Variants in SH3BP4 observed in about 807,000 individuals in gnomAD.
SH3BP4 encodes SH3 domain-binding protein 4.
Under a neutral mutation model 65.5 loss-of-function variants are expected in SH3BP4, and 33 were observed. That is an observed-to-expected ratio of 0.50 (90% CI 0.38 to 0.67). The LOEUF is 0.67. SH3BP4 is among the 30% of genes least tolerant of loss of function. The pLI, the probability that SH3BP4 is intolerant of heterozygous loss-of-function variation, is 0.00. For missense variants in SH3BP4, 1,134 were observed against 1,261.4 expected, an observed-to-expected ratio of 0.90 and a Z score of 1.53; for synonymous variants, 552 against 545.5, an observed-to-expected ratio of 1.01 and a Z score of -0.17.
intron 1 of SH3BP4, among the ~76,000 whole-genome samples, chr2:234,970,085 ACACACT>A (rs1692951850): frequency 6.6e-6 from 1 of 151,742 alleles, no homozygotes; most frequent in African/African-American, 2.4e-5. Flanking sequence ...TGTCACTCAC[ACACACT>A]CACAAATACA....
chr2:235,010,350 C>T lies in SH3BP4; in HGVS notation c.-133+14974C>T, dbSNP rs533225767. 5.3e-4 allele frequency among the ~76,000 whole-genome samples: 81 copies of T among 152,286 alleles called. 1 individual carries two copies. The highest frequency in any genetic ancestry group is 1.5e-3 in the African/African-American group (61 of 41,560). On this transcript the variant is annotated intron_variant, in intron 2 of 5. Transcript: ENST00000392011. The stretch of plus-strand genomic sequence containing the variant: ...GCCCAGCCTGCTTCATGGGGAGGCC[C>T]GCAGGGCAAGATGCACACAGTAGGC...
rs1458619671 is a variant in SH3BP4 at position 235,041,176 on chromosome 2, C to T, written c.407C>T (p.Ala136Val). ...CTTCCAGACAGCCCAGACGAGGTAG[C>T]CAAGGAGCTGGAGCTGCTCGGGGGA... is the stretch of plus-strand genomic sequence containing the variant. Reference protein sequence around the residue: ...DNLPDSPDEVAKELELLGGWT... With the variant: ...DNLPDSPDEVVKELELLGGWT... The change falls in exon 4 of 6, where the codon GCC becomes GTC. Residue 136 changes from alanine (A) to valine (V), a missense_variant. By Grantham distance (64) the Ala-to-Val change is moderately conservative. Coordinates refer to ENST00000392011, the MANE Select transcript of SH3BP4 (RefSeq NM_014521.3). This position sits in a 1 kb window ranked among gnomAD's most constrained non-coding sequence, Gnocchi z 6.0. 6.2e-7 allele frequency: 1 copy of T among 1,614,126 alleles called. No individual in the cohort carries two copies. Among genetic ancestry groups the T allele is most frequent in the African/African-American group, 1.3e-5 (1 of 75,018 alleles).
At chr2:235,016,643 G>A (rs1296165217) in intron 2 of SH3BP4, among the ~76,000 whole-genome samples, 3 of 152,200 alleles carry the variant, frequency 2.0e-5, no homozygotes, top group African/African-American at 4.8e-5. Flanking sequence ...CAAGTAGCTG[G>A]GACTACAGGC....
chr2:235,038,904 A>G (rs1184843431), intron 3 of SH3BP4, among the ~76,000 whole-genome samples: 1 of 152,178 alleles, frequency 6.6e-6, no homozygotes, highest in Non-Finnish European at 1.5e-5. Context: ...GTTGGTGGTA[A>G]GAGCTATGGA....
rs1693740769 is a variant in SH3BP4 at position 234,991,307 on chromosome 2, C to G, written c.-206-3996C>G. ...CCCAGACCCTCTGAGGTGGGATCAA[C>G]TCTCTGCAGATTTGTCATCAGCTGA... On this transcript the variant is annotated intron_variant, in intron 1 of 5. Transcript: ENST00000392011. The surrounding 1 kb of genome is among the most constrained non-coding windows in gnomAD (Gnocchi z 4.2). Among the ~76,000 whole-genome samples, 2 of 152,168 alleles carry G rather than the reference C, an allele frequency of 1.3e-5. No individual in the cohort carries two copies. The highest frequency in any genetic ancestry group is 6.5e-5 in the Admixed American group (1 of 15,268).
chr2:235,055,469 C>T lies in SH3BP4; in HGVS notation c.*1653C>T, dbSNP rs1696195800. On this transcript the variant is annotated 3_prime_UTR_variant, in exon 6 of 6. Coordinates refer to ENST00000392011, the MANE Select transcript of SH3BP4 (RefSeq NM_014521.3). ...CTTCGATTGTGCTTCTCAACTCCAC[C>T]CCATAATTTCTCCCAGAGACCATCT... 1 of 152,592 alleles carries T rather than the reference C, an allele frequency of 6.6e-6. No individual in the cohort carries two copies. Among genetic ancestry groups the T allele is most frequent in the Non-Finnish European group, 1.5e-5 (1 of 68,048 alleles). 9.5% of individuals were successfully genotyped at this position (152,592 alleles called of 1,614,324 possible).
In SH3BP4 at chr2:234,974,680, C is replaced by T. The variant is rs1334855272; in HGVS notation, c.-206-20623C>T. 6.6e-6 allele frequency among the ~76,000 whole-genome samples: 1 copy of T among 152,210 alleles called. No homozygotes were observed. The highest frequency in any genetic ancestry group is 1.5e-5 in the Non-Finnish European group (1 of 68,046). ...ACTAACAAGGGCTTCATGCAGCCCG[C>T]GGCCCAGGGCGTTCACAAGCTCTCT... is the stretch of plus-strand genomic sequence containing the variant. On this transcript the variant is annotated intron_variant, in intron 1 of 5. Coordinates refer to ENST00000392011, the MANE Select transcript of SH3BP4 (RefSeq NM_014521.3). The surrounding 1 kb of genome is among the most constrained non-coding windows in gnomAD (Gnocchi z 4.6).
rs188506992 is a variant in SH3BP4 at position 234,973,886 on chromosome 2, C to A, written c.-206-21417C>A. On this transcript the variant is annotated intron_variant, in intron 1 of 5. Transcript: ENST00000392011. ...CTGGGGTCAAGGGATCCTCCTGCCTCAGCTTCCCAAAGTGCTGGGACTATA... is the reference window on the plus strand; with the variant it reads ...CTGGGGTCAAGGGATCCTCCTGCCTAAGCTTCCCAAAGTGCTGGGACTATA... Among the ~76,000 whole-genome samples the A allele has an allele frequency of 7.5e-4, 114 of 152,214 alleles. 1 individual carries two copies. The highest frequency in any genetic ancestry group is 2.7e-3 in the African/African-American group (111 of 41,568).
intron 1 of SH3BP4, among the ~76,000 whole-genome samples, chr2:234,959,513 A>G (rs745387261): frequency 1.3e-5 from 2 of 152,218 alleles, no homozygotes; most frequent in East Asian, 3.8e-4. Context: ...ATTCCTCCCT[A>G]TGAATAATAA....
At position 235,041,754 on chromosome 2, in the gene SH3BP4, G is replaced by A. The variant is rs1389328874; in HGVS notation, c.985G>A (p.Ala329Thr). The A allele has an allele frequency of 6.2e-7, 1 of 1,604,658 alleles. No individual in the cohort carries two copies. ...GTGCAAGCTGGATAGCTCCGGGGGT[G>A]CTGTCCAGCTTCCTGACACCAGCAT... ...IVCKLDSSGG[A>T]VQLPDTSISI... The change falls in exon 4 of 6, where the codon GCT (alanine) becomes ACT (threonine). Residue 329 changes from alanine to threonine, a missense_variant. By Grantham distance (58) the Ala-to-Thr change is moderately conservative. Coordinates refer to ENST00000392011, the MANE Select transcript of SH3BP4 (RefSeq NM_014521.3). This position sits in a 1 kb window ranked among gnomAD's most constrained non-coding sequence, Gnocchi z 6.0.
At position 235,041,177 on chromosome 2, in the gene SH3BP4, C is replaced by T; in HGVS notation, c.408C>T (p.Ala136=). Reference sequence around the variant, plus strand: ...TTCCAGACAGCCCAGACGAGGTAGCCAAGGAGCTGGAGCTGCTCGGGGGAT... The same window carrying T: ...TTCCAGACAGCCCAGACGAGGTAGCTAAGGAGCTGGAGCTGCTCGGGGGAT... ...DNLPDSPDEV[A]KELELLGGWT... Residue 136 remains alanine, a synonymous_variant, in exon 4 of 6, where the codon GCC becomes GCT. Coordinates refer to ENST00000392011, the MANE Select transcript of SH3BP4 (RefSeq NM_014521.3). This position sits in a 1 kb window ranked among gnomAD's most constrained non-coding sequence, Gnocchi z 6.0. 6.2e-7 allele frequency: 1 copy of T among 1,614,092 alleles called. No individual in the cohort carries two copies. The highest frequency in any genetic ancestry group is 8.5e-7 in the Non-Finnish European group (1 of 1,180,028).
intron 1 of SH3BP4, among the ~76,000 whole-genome samples, chr2:234,987,956 G>C (rs1693621048): frequency 6.6e-6 from 1 of 152,204 alleles, no homozygotes; most frequent in Non-Finnish European, 1.5e-5. Context: ...TCCAGTCCAA[G>C]ATGGCGCCAT....
At chr2:235,039,238 A>G (rs1695556036) in intron 3 of SH3BP4, among the ~76,000 whole-genome samples, 1 of 152,158 alleles carries the variant, frequency 6.6e-6, no homozygotes, top group African/African-American at 2.4e-5. Flanking sequence ...CTCCCAGCTA[A>G]GCGCATCTCT....
At position 234,969,952 on chromosome 2, in the gene SH3BP4, GTC is replaced by G. The variant is rs201826479; in HGVS notation, c.-207+17787_-207+17788del. Among the ~76,000 whole-genome samples the G allele has an allele frequency of 8.4e-3, 1,224 of 145,636 alleles. 20 individuals are homozygous for G. The highest frequency in any genetic ancestry group is 0.03 in the African/African-American group (1,126 of 37,956). On this transcript the variant is annotated intron_variant, in intron 1 of 5. Coordinates refer to ENST00000392011, the MANE Select transcript of SH3BP4 (RefSeq NM_014521.3). ...ACATTTGCATACACACACACTCCCTGTCTCTCACACACACACACTCTCACACA... is the reference window on the plus strand; with the variant it reads ...ACATTTGCATACACACACACTCCCTGTCTCACACACACACACTCTCACACA...
At chr2:234,981,255 C>G (rs1693373913) in intron 1 of SH3BP4, among the ~76,000 whole-genome samples, 1 of 152,210 alleles carries the variant, frequency 6.6e-6, no homozygotes, top group African/African-American at 2.4e-5. Flanking sequence ...TGCCTGTGGA[C>G]TCGGCCCCTG....
At chr2:235,024,752 T>C (rs1372217252) in intron 2 of SH3BP4, among the ~76,000 whole-genome samples, 2 of 152,194 alleles carry the variant, frequency 1.3e-5, no homozygotes, top group Non-Finnish European at 2.9e-5. Flanking sequence ...AAAAGATCTA[T>C]CAAGTTGTAA....
At chr2:234,966,887 G>A (rs1377842837) in intron 1 of SH3BP4, among the ~76,000 whole-genome samples, 2 of 152,324 alleles carry the variant, frequency 1.3e-5, no homozygotes, top group South Asian at 4.1e-4. Flanking sequence ...CATTATTCTT[G>A]ATAGTAGAAA....
intron 1 of SH3BP4, among the ~76,000 whole-genome samples, chr2:234,987,754 T>A (rs907091852): frequency 2.0e-5 from 3 of 152,072 alleles, no homozygotes; most frequent in Non-Finnish European, 2.9e-5. Flanking sequence ...ATGAACTAGA[T>A]CTTGTGAGGC....
At chr2:235,044,489 G>A (rs534403262) in intron 4 of SH3BP4, among the ~76,000 whole-genome samples, 1 of 152,324 alleles carries the variant, frequency 6.6e-6, no homozygotes, top group South Asian at 2.1e-4. Context: ...ATAGAACGGA[G>A]TCCACCCCTA....
Sources: gnomAD v4.1 joint callset for allele counts (sites outside exome capture counted in the v4.1 genomes callset) on GRCh38, gnomAD v4.1.1 for gene constraint, Gnocchi (gnomAD v3.1) non-coding constraint, MANE v1.5 for transcripts, NCBI Gene and HGNC (gene_info 2026-07-23, HGNC 2026-07-21) for gene names.